Variants in SLC30A8 observed in about 807,000 individuals in gnomAD.
The protein encoded by SLC30A8 is solute carrier family 30 member 8.
SLC30A8 carries 27 observed loss-of-function variants against 36.9 expected under a neutral mutation model. The observed-to-expected ratio is 0.73, with a 90% confidence interval of 0.54 to 1.01. The LOEUF is 1.01. Among genes scored for constraint, SLC30A8 ranks in the 50% least tolerant of loss-of-function variants. The pLI, the probability that SLC30A8 is intolerant of heterozygous loss-of-function variation, is 0.00. For synonymous variants in SLC30A8, 164 were observed against 172.4 expected (o/e 0.95, Z 0.38); for missense variants, 439 against 452.0 (o/e 0.97, Z 0.26).
At chr8:117,071,005 A>T (rs1563578350) in intron 2 of SLC30A8, among the ~76,000 whole-genome samples, 1 of 152,168 alleles carries the variant, frequency 6.6e-6, no homozygotes, top group East Asian at 1.9e-4. Flanking sequence ...TGCAATGAAC[A>T]TGGGAGTGCA....
intron 1 of SLC30A8, among the ~76,000 whole-genome samples, chr8:116,955,240 CAATT>C (rs1222351341): frequency 4.6e-5 from 7 of 152,002 alleles, no homozygotes; most frequent in Admixed American, 2.0e-4. Context: ...TTTGCAGATG[CAATT>C]AATTAAGATA....
chr8:117,156,948 A>G (rs1013503596), intron 3 of SLC30A8, among the ~76,000 whole-genome samples: 4 of 152,232 alleles, frequency 2.6e-5, no homozygotes, highest in Admixed American at 6.5e-5. Context: ...GACTCACAGA[A>G]TGTTTCTAGA....
rs531221437 is a variant in SLC30A8 at position 117,054,334 on chromosome 8, C to T, written c.-226+15076C>T. On this transcript the variant is annotated intron_variant, in intron 2 of 10. Coordinates refer to the SLC30A8 transcript ENST00000427715. ...TGGGGTAATTTTGGACTGCTGGGTTCGAGCAATCCCCTTGTCTCAGCTTCT... is the reference window on the plus strand; with the variant it reads ...TGGGGTAATTTTGGACTGCTGGGTTTGAGCAATCCCCTTGTCTCAGCTTCT... Among the ~76,000 whole-genome samples the T allele has an allele frequency of 2.0e-5, 3 of 152,134 alleles. No homozygotes were observed. In the East Asian group the frequency reaches 5.8e-4, roughly 29 times the overall value.
chr8:117,000,933 A>G (rs1815989354), intron 1 of SLC30A8, among the ~76,000 whole-genome samples: 1 of 152,212 alleles, frequency 6.6e-6, no homozygotes, highest in Non-Finnish European at 1.5e-5. Context: ...TATGTTAATG[A>G]GCTCTTAATA....
intron 2 of SLC30A8, among the ~76,000 whole-genome samples, chr8:117,090,222 A>G (rs1397575487): frequency 1.3e-5 from 2 of 152,196 alleles, no homozygotes; most frequent in African/African-American, 2.4e-5. Flanking sequence ...TCAGCCTCCC[A>G]AAGTGCTGGG....
At chr8:117,027,339 C>A (rs919553907) in intron 1 of SLC30A8, among the ~76,000 whole-genome samples, 5 of 152,194 alleles carry the variant, frequency 3.3e-5, no homozygotes, top group African/African-American at 1.2e-4. Flanking sequence ...GAAACTCTTT[C>A]TTGCCCCAGA....
chr8:116,970,021 A>T (rs1393055080), intron 1 of SLC30A8, among the ~76,000 whole-genome samples: 2 of 152,118 alleles, frequency 1.3e-5, no homozygotes, highest in East Asian at 3.8e-4. Flanking sequence ...ATAAATTTTT[A>T]AATTTTTTAT....
chr8:116,997,130 A>G (rs776441124), intron 1 of SLC30A8, among the ~76,000 whole-genome samples: 2 of 152,142 alleles, frequency 1.3e-5, no homozygotes, highest in Non-Finnish European at 2.9e-5. Context: ...GCATGTTTGA[A>G]CTGCAAGAGG....
chr8:116,988,039 A>C (rs542663582), intron 1 of SLC30A8, among the ~76,000 whole-genome samples: 1 of 152,032 alleles, frequency 6.6e-6, no homozygotes, highest in Non-Finnish European at 1.5e-5. Context: ...TTTTTGGTGG[A>C]TGCTCTCTTC....
intron 1 of SLC30A8, among the ~76,000 whole-genome samples, chr8:117,030,662 G>A (rs546860387): frequency 6.6e-6 from 1 of 152,250 alleles, no homozygotes; most frequent in Admixed American, 6.5e-5. Flanking sequence ...ATTTACTTGA[G>A]TGTAGATTTA....
At chr8:117,096,294 G>A (rs1251257497) in intron 2 of SLC30A8, among the ~76,000 whole-genome samples, 1 of 152,150 alleles carries the variant, frequency 6.6e-6, no homozygotes, top group African/African-American at 2.4e-5. Flanking sequence ...AACCAATAGA[G>A]GCACTTGTTC....
intron 1 of SLC30A8, among the ~76,000 whole-genome samples, chr8:116,995,842 C>T (rs1815796109): frequency 6.6e-6 from 1 of 151,808 alleles, no homozygotes; most frequent in African/African-American, 2.4e-5. Context: ...CCGTCCTGCA[C>T]AGATAACGCA....
At chr8:117,137,065 C>A (rs1281914568) in intron 1 of SLC30A8, among the ~76,000 whole-genome samples, 1 of 151,972 alleles carries the variant, frequency 6.6e-6, no homozygotes, top group Non-Finnish European at 1.5e-5. Context: ...TACAACAGAA[C>A]TGGGCTGTGG....
intron 1 of SLC30A8, among the ~76,000 whole-genome samples, chr8:117,001,153 G>A (rs1815996639): frequency 6.6e-6 from 1 of 150,402 alleles, no homozygotes; most frequent in South Asian, 2.1e-4. Context: ...TTAGGGATAG[G>A]CTGATGACCC....
At chr8:117,161,674 A>G (rs1006177235) in intron 4 of SLC30A8, 64 bp from the exon 5 acceptor site, 3 of 1,501,372 alleles carry the variant, frequency 2.0e-6, no homozygotes, top group South Asian at 2.6e-5. Context: ...CAGCTTCTCC[A>G]TTATGCTGCC....
At chr8:116,977,728 T>A (rs1815100391) in intron 1 of SLC30A8, among the ~76,000 whole-genome samples, 1 of 151,986 alleles carries the variant, frequency 6.6e-6, no homozygotes, top group African/African-American at 2.4e-5. Context: ...GCCAAGATGG[T>A]CTCAATCTCT....
intron 2 of SLC30A8, among the ~76,000 whole-genome samples, chr8:117,056,431 T>C (rs1465995814): frequency 2.0e-5 from 3 of 152,176 alleles, no homozygotes; most frequent in Non-Finnish European, 2.9e-5. Flanking sequence ...CTCGTCCCTA[T>C]TGTAAGGCAT....
intron 1 of SLC30A8, among the ~76,000 whole-genome samples, chr8:116,972,891 A>G (rs1322827799): frequency 6.6e-6 from 1 of 152,174 alleles, no homozygotes; most frequent in South Asian, 2.1e-4. Context: ...GTGAATTTCC[A>G]CTAGTGACTA....
intron 3 of SLC30A8, among the ~76,000 whole-genome samples, chr8:117,156,386 C>T (rs1586599858): frequency 1.3e-5 from 2 of 152,262 alleles, no homozygotes; most frequent in South Asian, 4.2e-4. Flanking sequence ...GAACATAATT[C>T]AACCCATAAT....
Sources: allele counts gnomAD v4.1 joint callset (sites outside exome capture counted in the v4.1 genomes callset), GRCh38; gene constraint gnomAD v4.1.1; transcripts MANE v1.5; gene names NCBI Gene and HGNC (gene_info 2026-07-23, HGNC 2026-07-21).